DACH1: variants seen among roughly 807,000 people sequenced by gnomAD.
The protein encoded by DACH1 is dachshund family transcription factor 1, also known as dachshund homolog 1.
DACH1 carries 12 observed loss-of-function variants against 54.2 expected under a neutral mutation model. The ratio of observed to expected loss-of-function variants is 0.22; its 90% CI spans 0.14 to 0.36. DACH1 has a LOEUF of 0.36. DACH1 is among the 10% of genes least tolerant of loss of function. The pLI, the probability that DACH1 is intolerant of heterozygous loss-of-function variation, is 1.00. For missense variants in DACH1, 805 were observed against 929.8 expected (o/e 0.87, Z 1.75); for synonymous variants, 386 against 366.2 (o/e 1.05, Z -0.62).
intron 1 of DACH1, among the ~76,000 whole-genome samples, chr13:71,773,628 G>A (rs918250470): frequency 8.6e-5 from 13 of 151,828 alleles, no homozygotes; most frequent in Non-Finnish European, 1.8e-4. Flanking sequence ...ACTGTTAGAA[G>A]AAAAAATATG....
At chr13:71,700,577 AAAAAAAAAGAG>A (rs1477981146) in intron 1 of DACH1, among the ~76,000 whole-genome samples, 1 of 97,304 alleles carries the variant, frequency 1.0e-5, no homozygotes, top group African/African-American at 3.6e-5. Context: ...AAAAAAAAAA[AAAAAAAAAGAG>A]AGAGAGAGAG....
rs368564340 is a variant in DACH1 at position 71,843,466 on chromosome 13, T to C, written c.848+22456A>G. Among the ~76,000 whole-genome samples the C allele has an allele frequency of 3.2e-4, 48 of 152,230 alleles. 3 individuals carry two copies. The South Asian group carries it at 9.7e-3, about 31-fold the overall frequency. On this transcript the variant is annotated intron_variant, in intron 1 of 10. Transcript: ENST00000613252. ...ATTTTATAGAAACACGGCTTCACCA[T>C]GTTGCTCAGACTGGTCTTGAACTCC...
At chr13:71,597,555 G>A (rs1874182961) in intron 3 of DACH1, among the ~76,000 whole-genome samples, 2 of 152,196 alleles carry the variant, frequency 1.3e-5, no homozygotes, top group South Asian at 2.1e-4. Context: ...ACCTCCCTCA[G>A]TGTGATTTCA....
At chr13:71,520,601 C>G (rs1326576138) in intron 6 of DACH1, among the ~76,000 whole-genome samples, 5 of 150,650 alleles carry the variant, frequency 3.3e-5, no homozygotes, top group Admixed American at 1.3e-4. Context: ...TAAGTATAGA[C>G]AGTATAGATT....
chr13:71,626,773 A>G (rs967369643), intron 3 of DACH1, among the ~76,000 whole-genome samples: 5 of 152,002 alleles, frequency 3.3e-5, no homozygotes, highest in African/African-American at 7.2e-5. Context: ...ATTAATTCAA[A>G]TCATAAATCT....
At chr13:71,865,775 C>CCCGAGCAGGGAGAGGAGAGGGCCGCG (rs1874704251) in intron 1 of DACH1, 147 bp downstream of exon 1, 1 of 1,252,174 alleles carries the variant, frequency 8.0e-7, no homozygotes, top group South Asian at 2.8e-5. Flanking sequence ...GCTGGCGAGC[C>CCCGAGCAGGGAGAGGAGAGGGCCGCG]CCGAGCAGGG....
intron 1 of DACH1, among the ~76,000 whole-genome samples, chr13:71,827,268 G>A (rs1369591711): frequency 1.3e-5 from 2 of 152,062 alleles, no homozygotes; most frequent in East Asian, 1.9e-4. Context: ...GGATGCAGGC[G>A]GGGCTGAATC....
intron 6 of DACH1, among the ~76,000 whole-genome samples, chr13:71,541,573 T>A (rs1194823267): frequency 6.6e-6 from 1 of 152,124 alleles, no homozygotes; most frequent in African/African-American, 2.4e-5. Context: ...TGTATACATA[T>A]CTTATTCTAT....
intron 10 of DACH1, among the ~76,000 whole-genome samples, chr13:71,456,637 T>C (rs1875586952): frequency 6.6e-6 from 1 of 152,106 alleles, no homozygotes; most frequent in African/African-American, 2.4e-5. Flanking sequence ...AACTGTTCAA[T>C]GCAAAATGCT....
chr13:71,597,961 G>GA (rs896556477), intron 3 of DACH1, among the ~76,000 whole-genome samples: 194 of 150,646 alleles, frequency 1.3e-3, no homozygotes, highest in African/African-American at 4.5e-3. Context: ...TACCAAAAAG[G>GA]AAAAAAAATA....
rs576957940 is a variant in DACH1 at position 71,745,584 on chromosome 13, T to C, written c.849-63674A>G. ...TAAGCTGTATCATCAAAACGTGACA[T>C]CGAGATTAAGAAATAATTCAATGTG... On this transcript the variant is annotated intron_variant, in intron 1 of 10. Transcript: ENST00000613252. 5.4e-4 allele frequency among the ~76,000 whole-genome samples: 82 copies of C among 152,280 alleles called. 5 individuals are homozygous for C. The South Asian group carries it at 0.017, about 31-fold the overall frequency.
intron 2 of DACH1, among the ~76,000 whole-genome samples, chr13:71,680,656 A>T (rs1880846454): frequency 6.6e-6 from 1 of 152,218 alleles, no homozygotes; most frequent in African/African-American, 2.4e-5. Context: ...TTGCTGAAAA[A>T]AATATTAAAT....
intron 1 of DACH1, among the ~76,000 whole-genome samples, chr13:71,847,861 T>C (rs1594296789): frequency 1.3e-5 from 2 of 152,318 alleles, no homozygotes; most frequent in South Asian, 4.1e-4. Flanking sequence ...TAATATTATA[T>C]TGATGTGTTC....
chr13:71,519,202 C>T (rs1215118566), intron 6 of DACH1, among the ~76,000 whole-genome samples: 1 of 151,830 alleles, frequency 6.6e-6, no homozygotes, highest in Non-Finnish European at 1.5e-5. Flanking sequence ...TCTGGTTTCT[C>T]CAGAGAGCCT....
chr13:71,592,513 A>AAAAAAAAAAAAAAAAAAAAAAAG (rs768010399), intron 3 of DACH1, among the ~76,000 whole-genome samples: 3 of 145,810 alleles, frequency 2.1e-5, no homozygotes, highest in Non-Finnish European at 3.0e-5. Context: ...AAAAAAAAAA[A>AAAAAAAAAAAAAAAAAAAAAAAG]AAAAGAAAAG....
chr13:71,520,732 C>G (rs898364849), intron 6 of DACH1, among the ~76,000 whole-genome samples: 1 of 151,522 alleles, frequency 6.6e-6, no homozygotes, highest in African/African-American at 2.4e-5. Context: ...CAATAGCAGC[C>G]TGTGTGCCTG....
intron 1 of DACH1, among the ~76,000 whole-genome samples, chr13:71,805,634 A>C (rs1887467404): frequency 6.6e-6 from 1 of 152,150 alleles, no homozygotes; most frequent in Non-Finnish European, 1.5e-5. Flanking sequence ...AGAAATATAG[A>C]ACTGAAATGC....
intron 1 of DACH1, among the ~76,000 whole-genome samples, chr13:71,778,052 A>C (rs1248261668): frequency 3.3e-5 from 5 of 151,664 alleles, no homozygotes; most frequent in Non-Finnish European, 5.9e-5. Flanking sequence ...AGATTGCACC[A>C]CTGCACTCCA....
chr13:71,559,474 G>T (rs755384584), intron 5 of DACH1, among the ~76,000 whole-genome samples: 31 of 152,162 alleles, frequency 2.0e-4, no homozygotes, highest in Non-Finnish European at 4.0e-4. Context: ...TTTGAGGAAT[G>T]ATGTTGAATA....
Sources: gnomAD v4.1 joint callset for allele counts (sites outside exome capture counted in the v4.1 genomes callset) on GRCh38, gnomAD v4.1.1 for gene constraint, MANE v1.5 for transcripts, NCBI Gene and HGNC (gene_info 2026-07-23, HGNC 2026-07-21) for gene names.